The following STK32C variants were observed in gnomAD, a reference collection of about 807,000 sequenced individuals.
STK32C encodes the protein serine/threonine kinase 32C.
STK32C carries 31 observed loss-of-function variants against 56.5 expected under a neutral mutation model. That is an observed-to-expected ratio of 0.55 (90% CI 0.41 to 0.74). STK32C has a LOEUF of 0.74. STK32C is among the 30% of genes least tolerant of loss of function. The pLI is 0.00. For missense variants in STK32C, 544 were observed against 676.9 expected (o/e 0.80, Z 2.18); for synonymous variants, 309 against 289.4 (o/e 1.07, Z -0.69).
chr10:132,295,182 G>C (rs1004179646), intron 1 of STK32C, among the ~76,000 whole-genome samples: 14 of 152,094 alleles, frequency 9.2e-5, no homozygotes, highest in African/African-American at 3.1e-4. Context: ...GTGACACCAT[G>C]GGCTTCGTAC....
chr10:132,226,243 G>A (rs1044696456), intron 4 of STK32C, among the ~76,000 whole-genome samples: 5 of 152,214 alleles, frequency 3.3e-5, no homozygotes, highest in African/African-American at 9.6e-5. Flanking sequence ...CAGTCCATTC[G>A]ACTTTAAAAT....
chr10:132,261,981 G>C (rs1420141068), intron 1 of STK32C, among the ~76,000 whole-genome samples: 1 of 152,060 alleles, frequency 6.6e-6, no homozygotes, highest in Non-Finnish European at 1.5e-5. Flanking sequence ...AGCTCAAATA[G>C]CCAAAGCGAT....
intron 1 of STK32C, among the ~76,000 whole-genome samples, chr10:132,297,055 C>T (rs372077853): frequency 1.3e-5 from 2 of 152,368 alleles, no homozygotes; most frequent in East Asian, 3.9e-4. Context: ...ACTCACCACC[C>T]CTTTCACCTT....
chr10:132,241,339 G>A (rs568674292), intron 2 of STK32C, among the ~76,000 whole-genome samples: 17 of 152,348 alleles, frequency 1.1e-4, no homozygotes, highest in Admixed American at 3.3e-4. Flanking sequence ...CGACAAGGTC[G>A]ACAATTTAAC....
chr10:132,270,576 C>T (rs891669816), intron 1 of STK32C, among the ~76,000 whole-genome samples: 2 of 152,234 alleles, frequency 1.3e-5, no homozygotes, highest in African/African-American at 2.4e-5. Context: ...ACCCCAGGAC[C>T]CAGCATGGCC....
chr10:132,267,751 G>C (rs1415509148), intron 1 of STK32C, among the ~76,000 whole-genome samples: 1 of 129,458 alleles, frequency 7.7e-6, no homozygotes, highest in Non-Finnish European at 1.7e-5. Context: ...GTGTGTGTCG[G>C]TGCGTGTGCA....
At chr10:132,323,533 T>A (rs1488360346), downstream of STK32C, among the ~76,000 whole-genome samples, 1 of 152,222 alleles carries the variant, frequency 6.6e-6, no homozygotes, top group Non-Finnish European at 1.5e-5. The surrounding 1 kb of genome is among the most constrained non-coding windows in gnomAD (Gnocchi z 4.8). Flanking sequence ...GCAGACAGAA[T>A]AATGGCCCTC....
chr10:132,228,135 G>A lies in STK32C; in HGVS notation c.319-7C>T, dbSNP rs752755082. 3.7e-6 allele frequency: 6 copies of A among 1,613,818 alleles called. No homozygotes were observed. In the African/African-American group the frequency reaches 4.0e-5, roughly 11 times the overall value. ...GCTTCTGCACAATGCACACCTGGAGGGCACAGGGCTGTTCGGCAGGACGCC... is the reference window on the plus strand; with the variant it reads ...GCTTCTGCACAATGCACACCTGGAGAGCACAGGGCTGTTCGGCAGGACGCC... On this transcript the variant is annotated splice_polypyrimidine_tract_variant and splice_region_variant and intron_variant, in intron 2 of 11. Transcript: ENST00000298630.
chr10:132,283,009 G>A (rs565177883), intron 1 of STK32C, among the ~76,000 whole-genome samples: 67 of 152,304 alleles, frequency 4.4e-4, no homozygotes, highest in Non-Finnish European at 2.1e-4. Flanking sequence ...CATTCCCAGG[G>A]GTCCTGACCA....
intron 1 of STK32C, among the ~76,000 whole-genome samples, chr10:132,326,578 G>C (rs7076338): frequency 0.3 from 46,271 of 152,070 alleles, 7,318 homozygotes; most frequent in East Asian, 0.37. Context: ...CTGCCTTGGC[G>C]TCCCCAAGTG....
rs565269278 is a variant in STK32C, at chr10:132,221,161, C to T, written c.1251+1480G>A. Among the ~76,000 whole-genome samples, 45 of 150,972 alleles carry T rather than the reference C, an allele frequency of 3.0e-4. 1 individual carries two copies. The South Asian group carries it at 8.9e-3, about 30-fold the overall frequency. On this transcript the variant is annotated intron_variant, in intron 10 of 11. Transcript: ENST00000298630. ...CCGTCCCCGCACACACAACCAAAGC[C>T]GGCACACCTGGGCGAGTGTGAGGGC...
At chr10:132,326,381 G>C (rs548207134) in intron 1 of STK32C, among the ~76,000 whole-genome samples, 2 of 152,322 alleles carry the variant, frequency 1.3e-5, no homozygotes, top group East Asian at 3.9e-4. Context: ...CACCAGGCTG[G>C]AGTGCAGTGG....
downstream of STK32C, chr10:132,323,916 G>T (rs56388233): frequency 4.7e-4 from 115 of 246,536 alleles, no homozygotes; most frequent in African/African-American, 2.4e-3. This position sits in a 1 kb window ranked among gnomAD's most constrained non-coding sequence, Gnocchi z 4.8. Flanking sequence ...AAACATGAGG[G>T]GTGGCCTCAT....
intron 1 of STK32C, among the ~76,000 whole-genome samples, chr10:132,290,984 G>A (rs1045805013): frequency 3.3e-5 from 5 of 152,160 alleles, no homozygotes; most frequent in East Asian, 1.9e-4. Context: ...ACCGGCTTCC[G>A]CTGCCTTGGC....
chr10:132,310,080 T>C (rs2066190807), upstream of STK32C, among the ~76,000 whole-genome samples: 1 of 152,206 alleles, frequency 6.6e-6, no homozygotes, highest in East Asian at 1.9e-4. The surrounding 1 kb of genome is among the most constrained non-coding windows in gnomAD (Gnocchi z 4.6). Context: ...TCCTCTGGTC[T>C]GAGGGTCCAA....
chr10:132,306,495 G>A (rs1466899145), intron 1 of STK32C, among the ~76,000 whole-genome samples: 1 of 152,170 alleles, frequency 6.6e-6, no homozygotes, highest in Non-Finnish European at 1.5e-5. Context: ...ATGAATCCCC[G>A]GTGCCGTCTC....
chr10:132,216,481 AAG>A (rs998104935), intron 10 of STK32C, among the ~76,000 whole-genome samples: 1 of 151,648 alleles, frequency 6.6e-6, no homozygotes, highest in Non-Finnish European at 1.5e-5. Context: ...AAAAAAAAAA[AAG>A]AGAGAAAAAA....
intron 1 of STK32C, among the ~76,000 whole-genome samples, chr10:132,284,737 C>T (rs2065339039): frequency 6.6e-6 from 1 of 150,856 alleles, no homozygotes; most frequent in African/African-American, 2.5e-5. Context: ...CACACGTGCC[C>T]AAAGACCAGG....
At chr10:132,218,352 T>G (rs879914623) in intron 10 of STK32C, among the ~76,000 whole-genome samples, 4 of 152,094 alleles carry the variant, frequency 2.6e-5, no homozygotes, top group Non-Finnish European at 4.4e-5. Flanking sequence ...ATATGCCAAT[T>G]AAAATATATT....
Sources: allele counts gnomAD v4.1 joint callset (sites outside exome capture counted in the v4.1 genomes callset), GRCh38; gene constraint gnomAD v4.1.1; non-coding constraint Gnocchi (gnomAD v3.1); transcripts MANE v1.5; gene names NCBI Gene and HGNC (gene_info 2026-07-23, HGNC 2026-07-21).